PINX1: variants seen among roughly 807,000 people sequenced by gnomAD.
The protein encoded by PINX1 is PIN2/TERF1-interacting telomerase inhibitor 1.
A neutral mutation model predicts 25.4 loss-of-function variants in PINX1; 34 were observed. The observed-to-expected ratio is 1.34, with a 90% CI of 1.02 to 1.78. The LOEUF is 1.78. Among genes scored for constraint, PINX1 ranks in the 40% most tolerant of loss-of-function variants. The pLI, the probability that PINX1 is intolerant of heterozygous loss-of-function variation, is 0.00. For missense variants in PINX1, 592 were observed against 404.9 expected, an observed-to-expected ratio of 1.46 and a Z score of -3.97; for synonymous variants, 197 against 147.7, an observed-to-expected ratio of 1.33 and a Z score of -2.42.
intron 5 of PINX1, among the ~76,000 whole-genome samples, chr8:10,822,951 T>C (rs1797922626): frequency 6.6e-6 from 1 of 152,224 alleles, no homozygotes; most frequent in East Asian, 1.9e-4. Flanking sequence ...TGACATACTT[T>C]TATTTTTATC....
intron 6 of PINX1, among the ~76,000 whole-genome samples, chr8:10,817,462 C>T (rs908200413): frequency 2.0e-5 from 3 of 152,230 alleles, no homozygotes; most frequent in African/African-American, 7.2e-5. Flanking sequence ...AGGAAGGTAC[C>T]GGTATACCTC....
At chr8:10,810,147 A>G (rs1271023629) in intron 6 of PINX1, among the ~76,000 whole-genome samples, 1 of 152,098 alleles carries the variant, frequency 6.6e-6, no homozygotes, top group African/African-American at 2.4e-5. Context: ...CAACAACACA[A>G]ACACCTCCCA....
chr8:10,831,568 A>G, intron 4 of PINX1, 97 bp downstream of exon 4: 1 of 746,678 alleles, frequency 1.3e-6, no homozygotes, highest in Non-Finnish European at 2.4e-6. Flanking sequence ...CTCAATAAAT[A>G]TGTATAATTA....
intron 6 of PINX1, among the ~76,000 whole-genome samples, chr8:10,780,047 C>G (rs1801535194): frequency 1.3e-5 from 2 of 152,090 alleles, no homozygotes; most frequent in Non-Finnish European, 2.9e-5. Flanking sequence ...ATAGAGATAC[C>G]AGAGATTTTT....
chr8:10,782,635 C>A lies in PINX1; in HGVS notation c.472-16719G>T, dbSNP rs958613735. Among the ~76,000 whole-genome samples, 78 of 152,192 alleles carry A rather than the reference C, an allele frequency of 5.1e-4. 1 individual carries two copies. The highest frequency in any genetic ancestry group is 1.9e-3 in the African/African-American group (77 of 41,526). The stretch of plus-strand genomic sequence containing the variant: ...CCTGTAATCCCAGCCACTCAGGAGG[C>A]TGAGGCAGCAGGATCACTTGAATCC... On this transcript the variant is annotated intron_variant, in intron 6 of 6. Transcript: ENST00000314787.
chr8:10,807,966 A>C (rs570605192), intron 6 of PINX1, among the ~76,000 whole-genome samples: 2 of 152,306 alleles, frequency 1.3e-5, no homozygotes, highest in Non-Finnish European at 1.5e-5. Context: ...CAGCTGACAC[A>C]CTGAAAGTTT....
intron 6 of PINX1, among the ~76,000 whole-genome samples, chr8:10,766,535 C>T (rs1801054608): frequency 6.6e-6 from 1 of 152,220 alleles, no homozygotes; most frequent in South Asian, 2.1e-4. Context: ...AGAGTGGAGA[C>T]TCCGCGTGTC....
intron 6 of PINX1, among the ~76,000 whole-genome samples, chr8:10,794,583 C>G (rs374843841): frequency 6.6e-6 from 1 of 152,040 alleles, no homozygotes; most frequent in East Asian, 1.9e-4. Context: ...CCTGCCACCA[C>G]GTCTGGCTAA....
At chr8:10,770,775 A>C (rs867146402) in intron 6 of PINX1, among the ~76,000 whole-genome samples, 1 of 152,204 alleles carries the variant, frequency 6.6e-6, no homozygotes, top group South Asian at 2.1e-4. Context: ...CTTATGATCA[A>C]CATGCCAGTC....
At chr8:10,766,992 C>A (rs546686889) in intron 6 of PINX1, among the ~76,000 whole-genome samples, 2 of 151,962 alleles carry the variant, frequency 1.3e-5, no homozygotes, top group African/African-American at 4.9e-5. Flanking sequence ...TGCAGCAACT[C>A]TGCCCACAGA....
chr8:10,838,189 A>G (rs911176795), intron 1 of PINX1, among the ~76,000 whole-genome samples: 1 of 152,252 alleles, frequency 6.6e-6, no homozygotes, highest in Non-Finnish European at 1.5e-5. Context: ...TCTTTGCTCA[A>G]TCAAACTCTG....
At chr8:10,832,650 C>G (rs1444908644) in intron 3 of PINX1, among the ~76,000 whole-genome samples, 4 of 152,130 alleles carry the variant, frequency 2.6e-5, no homozygotes, top group Non-Finnish European at 4.4e-5. Context: ...AACTTAGAAA[C>G]AAAACTTTTC....
chr8:10,767,894 C>T (rs547313699), intron 6 of PINX1, among the ~76,000 whole-genome samples: 1 of 76,334 alleles, frequency 1.3e-5, no homozygotes, highest in Non-Finnish European at 2.6e-5. Context: ...GAGACAGGCT[C>T]GGTGACCAGG....
At chr8:10,767,042 A>C (rs1009520027) in intron 6 of PINX1, among the ~76,000 whole-genome samples, 20 of 152,186 alleles carry the variant, frequency 1.3e-4, no homozygotes, top group African/African-American at 4.6e-4. Flanking sequence ...TGCTAAACTT[A>C]GGTTTTCATA....
At chr8:10,792,069 T>A (rs1220118030) in intron 6 of PINX1, among the ~76,000 whole-genome samples, 2 of 152,166 alleles carry the variant, frequency 1.3e-5, no homozygotes, top group African/African-American at 4.8e-5. Flanking sequence ...AGCTTGTCTG[T>A]ATTACGATCA....
intron 1 of PINX1, among the ~76,000 whole-genome samples, chr8:10,837,621 T>C (rs1026285514): frequency 2.6e-5 from 4 of 152,214 alleles, no homozygotes; most frequent in Admixed American, 2.6e-4. Flanking sequence ...GGGAAGTATT[T>C]AACCATCCTC....
intron 5 of PINX1, chr8:10,825,341 C>A: frequency 1.9e-6 from 1 of 534,680 alleles, no homozygotes; most frequent in Non-Finnish European, 3.8e-6. Context: ...ATCCAACCTC[C>A]CAGGAAAGAA....
intron 3 of PINX1, 133 bp from the exon 4 acceptor site, chr8:10,831,876 G>T: frequency 1.6e-6 from 1 of 635,660 alleles, no homozygotes; most frequent in South Asian, 1.9e-5. Flanking sequence ...AATACTATTT[G>T]ATAAATTTAA....
At chr8:10,771,007 T>C (rs1202779044) in intron 6 of PINX1, among the ~76,000 whole-genome samples, 2 of 152,242 alleles carry the variant, frequency 1.3e-5, no homozygotes, top group Non-Finnish European at 2.9e-5. Context: ...CTGATGGCTA[T>C]TGCCTGTGAT....
Sources: allele counts gnomAD v4.1 joint callset (sites outside exome capture counted in the v4.1 genomes callset), GRCh38; gene constraint gnomAD v4.1.1; transcripts MANE v1.5; gene names NCBI Gene and HGNC (gene_info 2026-07-23, HGNC 2026-07-21).